The following EFCAB6 variants were observed in gnomAD, a reference collection of about 807,000 sequenced individuals.
EFCAB6 encodes the protein EF-hand calcium-binding domain-containing protein 6.
EFCAB6 carries 156 observed loss-of-function variants against 169.8 expected under a neutral mutation model. The observed-to-expected ratio is 0.92, with a 90% CI of 0.81 to 1.05. The LOEUF is 1.05. Ranked by LOEUF, EFCAB6 falls within the 50% of genes least tolerant of loss-of-function variation. The pLI, the probability that EFCAB6 is intolerant of heterozygous loss-of-function variation, is 0.00. For synonymous variants in EFCAB6, 698 were observed against 676.4 expected (o/e 1.03, Z -0.50); for missense variants, 1,800 against 1,829.1 (o/e 0.98, Z 0.29).
Position 43,530,800 on chromosome 22 carries a change from C to T in EFCAB6, c.4383+15G>A, listed in dbSNP as rs2047010720. Reference sequence around the variant, plus strand: ...CTGCTCCCTGCAGAGGCACTGGGCGCAGAGCTGTGCTCACCGTCCTGAAAT... The same window carrying T: ...CTGCTCCCTGCAGAGGCACTGGGCGTAGAGCTGTGCTCACCGTCCTGAAAT... On this transcript the variant is annotated intron_variant, in intron 31 of 31. Coordinates refer to ENST00000262726, the MANE Select transcript of EFCAB6 (RefSeq NM_022785.4). 6.2e-7 allele frequency: 1 copy of T among 1,613,084 alleles called. No individual in the cohort carries two copies. Among genetic ancestry groups the T allele is most frequent in the Admixed American group, 1.7e-5 (1 of 60,022 alleles).
chr22:43,645,582 C>T (rs2148010805), intron 17 of EFCAB6, among the ~76,000 whole-genome samples: 1 of 152,270 alleles, frequency 6.6e-6, no homozygotes, highest in African/African-American at 2.4e-5. Flanking sequence ...GGCTTTGTAA[C>T]AATTGCATAC....
At chr22:43,652,062 G>C (rs545626217) in intron 17 of EFCAB6, among the ~76,000 whole-genome samples, 1 of 152,280 alleles carries the variant, frequency 6.6e-6, no homozygotes, top group Admixed American at 6.5e-5. Flanking sequence ...GGGACTATTG[G>C]GAAGGCATGA....
rs770841643 is a variant in EFCAB6, at chr22:43,672,010, C to T, written c.1603G>A (p.Val535Ile). ...GRNNFKKIMH[V>I]FCPFLTNAHF... ...GCATTCGTTAAAAATGGACAGAAGA[C>T]GTGCATGATTTTCTTGAAATTATTT... The change falls in exon 15 of 32, where the codon GTC becomes ATC. Residue 535 changes from valine to isoleucine, a missense_variant. Transcript: ENST00000262726. The T allele has an allele frequency of 9.9e-6, 16 of 1,613,966 alleles. No individual in the cohort carries two copies. The highest frequency in any genetic ancestry group is 4.5e-5 in the East Asian group (2 of 44,896).
In EFCAB6 at chr22:43,588,620, G is replaced by T. The variant is rs112237591; in HGVS notation, c.3032+1454C>A. Among the ~76,000 whole-genome samples the T allele has an allele frequency of 2.6e-3, 393 of 152,182 alleles. 2 individuals are homozygous for T. Among genetic ancestry groups the T allele is most frequent in the Non-Finnish European group, 4.0e-3 (273 of 67,994 alleles). On this transcript the variant is annotated intron_variant, in intron 24 of 31. Transcript: ENST00000262726. ...ATATTCAATAACAACAGGAGTTTCAGAAAAAATAGAACAGGGGAGGAATTC... is the reference window on the plus strand; with the variant it reads ...ATATTCAATAACAACAGGAGTTTCATAAAAAATAGAACAGGGGAGGAATTC...
intron 3 of EFCAB6, among the ~76,000 whole-genome samples, chr22:43,780,486 C>CAA (rs34634496): frequency 0.1 from 4,857 of 47,724 alleles, 528 homozygotes; most frequent in East Asian, 0.23. Flanking sequence ...GACTCTGTCT[C>CAA]AAAAAAAAAA....
chr22:43,726,891 A>G (rs906750497), intron 8 of EFCAB6, among the ~76,000 whole-genome samples: 1 of 152,226 alleles, frequency 6.6e-6, no homozygotes, highest in Non-Finnish European at 1.5e-5. Flanking sequence ...CAAAATAACA[A>G]TTCTTCAGAA....
chr22:43,528,797 T>C lies in EFCAB6; in HGVS notation c.*56A>G. On this transcript the variant is annotated 3_prime_UTR_variant, in exon 32 of 32. Transcript: ENST00000262726. The stretch of plus-strand genomic sequence containing the variant: ...GAAACCCCCAAATTATAGGATTTTA[T>C]TAGCCTTGAAACAGGCCCTGTGGCT... The C allele has an allele frequency of 6.7e-7, 1 of 1,500,008 alleles. No homozygotes were observed. Among genetic ancestry groups the C allele is most frequent in the Non-Finnish European group, 9.0e-7 (1 of 1,108,752 alleles). The allele number at this position is 1,500,008 out of a possible 1,614,324, so 92.9% of individuals were successfully genotyped here. A position where few individuals can be genotyped will look rare whatever the true frequency, so the allele number is the denominator to read the frequency against.
At chr22:43,602,567 A>C (rs1280844356) in intron 22 of EFCAB6, among the ~76,000 whole-genome samples, 1 of 152,116 alleles carries the variant, frequency 6.6e-6, no homozygotes, top group African/African-American at 2.4e-5. Flanking sequence ...GAACTACATC[A>C]GGACTCTAAC....
At chr22:43,725,380 A>G (rs2059692124) in intron 8 of EFCAB6, among the ~76,000 whole-genome samples, 1 of 152,104 alleles carries the variant, frequency 6.6e-6, no homozygotes, top group Non-Finnish European at 1.5e-5. Context: ...ACTTCAGGTG[A>G]TCCACCCGCC....
chr22:43,553,141 T>TCCAAGGCCTTA (rs1256098961), intron 27 of EFCAB6: 2 of 152,112 alleles, frequency 1.3e-5, no homozygotes, highest in African/African-American at 2.4e-5. Context: ...TGATCACGCT[T>TCCAAGGCCTTA]CCCTATGAAT....
At position 43,537,372 on chromosome 22, in the gene EFCAB6, C is replaced by G; in HGVS notation, c.4048+5G>C. The G allele has an allele frequency of 6.2e-7, 1 of 1,613,730 alleles. No homozygotes were observed. ...TATTACCAAGCAGATAGAATCTGAA[C>G]GAACCCAGGAAATCGGAGGCGTTGA... On this transcript the variant is annotated splice_donor_5th_base_variant and intron_variant, in intron 29 of 31. Transcript: ENST00000262726. This position sits in a 1 kb window ranked among gnomAD's most constrained non-coding sequence, Gnocchi z 4.3.
intron 10 of EFCAB6, among the ~76,000 whole-genome samples, chr22:43,697,939 T>C (rs555722328): frequency 6.6e-6 from 1 of 152,330 alleles, no homozygotes; most frequent in South Asian, 2.1e-4. Flanking sequence ...GCAAAGGGAC[T>C]GATCATATCG....
At chr22:43,741,291 A>G (rs778287475) in intron 6 of EFCAB6, among the ~76,000 whole-genome samples, 1 of 151,010 alleles carries the variant, frequency 6.6e-6, no homozygotes, top group Non-Finnish European at 1.5e-5. Flanking sequence ...CTCATCCGCT[A>G]TGAGCTCCTA....
At chr22:43,613,229 A>G (rs965558141) in intron 21 of EFCAB6, among the ~76,000 whole-genome samples, 4 of 148,836 alleles carry the variant, frequency 2.7e-5, no homozygotes, top group Non-Finnish European at 5.9e-5. Context: ...TGTTACATAA[A>G]TATATTCATA....
chr22:43,620,961 G>A (rs1192806192), intron 20 of EFCAB6, among the ~76,000 whole-genome samples: 4 of 152,018 alleles, frequency 2.6e-5, no homozygotes, highest in Non-Finnish European at 4.4e-5. Flanking sequence ...TACCAAGACA[G>A]ACCATATCCA....
Position 43,731,688 on chromosome 22 carries a change from A to C in EFCAB6, c.757+11T>G. 1 of 1,539,402 alleles carries C rather than the reference A, an allele frequency of 6.5e-7. No individual in the cohort carries two copies. Among genetic ancestry groups the C allele is most frequent in the Non-Finnish European group, 8.8e-7 (1 of 1,135,192 alleles). ...TTGAAATCTTTAGCTATATACTTTA[A>C]AAATACTTACCTTGATTTCCCATAC... On this transcript the variant is annotated intron_variant, in intron 8 of 31. Coordinates refer to ENST00000262726, the MANE Select transcript of EFCAB6 (RefSeq NM_022785.4).
intron 30 of EFCAB6, chr22:43,533,466 T>C (rs1036102144): frequency 1.1e-4 from 16 of 152,316 alleles, no homozygotes; most frequent in African/African-American, 3.8e-4. Context: ...ACCTGAACAG[T>C]TGGAAAACCT....
chr22:43,774,096 T>C (rs2061563126), intron 3 of EFCAB6, among the ~76,000 whole-genome samples: 2 of 152,066 alleles, frequency 1.3e-5, no homozygotes, highest in Non-Finnish European at 2.9e-5. Context: ...CCTCATCCTT[T>C]ATAATAATAT....
intron 17 of EFCAB6, among the ~76,000 whole-genome samples, chr22:43,653,617 G>A (rs1343200451): frequency 6.6e-6 from 1 of 152,208 alleles, no homozygotes; most frequent in African/African-American, 2.4e-5. Context: ...AATCTGGAGA[G>A]AGAAATGAAG....
Sources: gnomAD v4.1 joint callset for allele counts (sites outside exome capture counted in the v4.1 genomes callset) on GRCh38, gnomAD v4.1.1 for gene constraint, Gnocchi (gnomAD v3.1) non-coding constraint, MANE v1.5 for transcripts, NCBI Gene and HGNC (gene_info 2026-07-23, HGNC 2026-07-21) for gene names.